SIPA1L1: variants seen among roughly 807,000 people sequenced by gnomAD.
SIPA1L1 encodes the protein signal-induced proliferation-associated 1-like protein 1.
Under a neutral mutation model 162.7 loss-of-function variants are expected in SIPA1L1, and 26 were observed. The observed-to-expected ratio is 0.16, with a 90% CI of 0.12 to 0.22. The LOEUF (loss-of-function observed/expected upper bound fraction) is 0.22, where lower values mean the gene tolerates loss of function less well. SIPA1L1 is among the 10% of genes least tolerant of loss of function. The probability of loss-of-function intolerance (pLI) is 1.00; values close to 1 mark genes in which losing one functional copy is unlikely to be tolerated. For synonymous variants in SIPA1L1, 829 were observed against 837.4 expected (o/e 0.99, Z 0.17); for missense variants, 1,874 against 2,241.0 (o/e 0.84, Z 3.31).
At chr14:71,372,251 T>C (rs1466336235) in intron 2 of SIPA1L1, among the ~76,000 whole-genome samples, 2 of 152,172 alleles carry the variant, frequency 1.3e-5, no homozygotes, top group Non-Finnish European at 2.9e-5. Flanking sequence ...GTAATGACTT[T>C]TAGTTGCTAT....
At chr14:71,700,143 G>A (rs1050078426) in intron 14 of SIPA1L1, among the ~76,000 whole-genome samples, 1 of 151,630 alleles carries the variant, frequency 6.6e-6, no homozygotes, top group Non-Finnish European at 1.5e-5. Flanking sequence ...AGAGTTTAAG[G>A]ATAGTTTTAC....
At chr14:71,435,249 A>C (rs552819254) in intron 2 of SIPA1L1, among the ~76,000 whole-genome samples, 1 of 152,120 alleles carries the variant, frequency 6.6e-6, no homozygotes, top group African/African-American at 2.4e-5. Context: ...ATATATATAC[A>C]TGCGCCATGT....
Position 71,343,288 on chromosome 14 carries a change from A to G in SIPA1L1, c.-465+22107A>G, listed in dbSNP as rs577568324. On this transcript the variant is annotated intron_variant, in intron 2 of 23. Transcript: ENST00000381232. ...CAAAGTCCGTTTCTAAATATTACCT[A>G]ATATTCATCATCCACTCAGCAAATA... is the stretch of plus-strand genomic sequence containing the variant. Among the ~76,000 whole-genome samples the G allele has an allele frequency of 3.9e-5, 6 of 152,288 alleles. No homozygotes were observed. The East Asian group carries it at 1.2e-3, about 29-fold the overall frequency.
chr14:71,336,791 C>T (rs917852913), intron 2 of SIPA1L1, among the ~76,000 whole-genome samples: 5 of 152,200 alleles, frequency 3.3e-5, no homozygotes, highest in Admixed American at 2.6e-4. Context: ...GTTTTTCCCT[C>T]GAATTTCTTG....
intron 2 of SIPA1L1, among the ~76,000 whole-genome samples, chr14:71,386,986 C>T (rs556444555): frequency 5.3e-5 from 8 of 152,240 alleles, no homozygotes; most frequent in African/African-American, 1.4e-4. Context: ...CAGTGGCTCA[C>T]GCCTGTAATC....
intron 22 of SIPA1L1, 66 bp from the exon 23 acceptor site, chr14:71,738,161 TAAAAAAAAAAAAAA>T (rs34549978): frequency 1.1e-5 from 4 of 368,978 alleles, no homozygotes; most frequent in Non-Finnish European, 1.8e-5. Context: ...CTCCTCAGAG[TAAAAAAAAAAAAAA>T]AAAAAAAAAA....
intron 10 of SIPA1L1, among the ~76,000 whole-genome samples, chr14:71,663,813 C>T (rs1226400124): frequency 6.6e-6 from 1 of 152,170 alleles, no homozygotes; most frequent in Non-Finnish European, 1.5e-5. Context: ...GTGGGCAGGT[C>T]TGGAATTTCC....
chr14:71,545,014 C>T (rs1433827338), intron 4 of SIPA1L1, among the ~76,000 whole-genome samples: 1 of 152,002 alleles, frequency 6.6e-6, no homozygotes, highest in Non-Finnish European at 1.5e-5. Context: ...AAATATACAC[C>T]ACCATGCCCA....
At chr14:71,323,437 T>TA (rs2033379381) in intron 2 of SIPA1L1, among the ~76,000 whole-genome samples, 2 of 152,224 alleles carry the variant, frequency 1.3e-5, no homozygotes. Context: ...TATGTGCCTC[T>TA]TATCAGTCCT....
chr14:71,496,072 GAAA>G (rs61282539), intron 2 of SIPA1L1, among the ~76,000 whole-genome samples: 1 of 129,572 alleles, frequency 7.7e-6, no homozygotes, highest in African/African-American at 2.9e-5. Flanking sequence ...TAAAAAAAAA[GAAA>G]AAAAAAAAAA....
At chr14:71,622,746 A>G (rs1026104088) in intron 6 of SIPA1L1, among the ~76,000 whole-genome samples, 2 of 152,126 alleles carry the variant, frequency 1.3e-5, no homozygotes, top group South Asian at 4.1e-4. Context: ...GCTTCCTCTC[A>G]CAGTTCATCT....
At chr14:71,444,529 C>T (rs1343545928) in intron 2 of SIPA1L1, among the ~76,000 whole-genome samples, 2 of 152,134 alleles carry the variant, frequency 1.3e-5, no homozygotes, top group Non-Finnish European at 2.9e-5. Context: ...TGCCTGAGAC[C>T]ATTTCCTATC....
chr14:71,322,035 A>G (rs944757820), intron 2 of SIPA1L1, among the ~76,000 whole-genome samples: 1 of 152,262 alleles, frequency 6.6e-6, no homozygotes, highest in African/African-American at 2.4e-5. Flanking sequence ...TAGAGGCAGC[A>G]TTCGCTGAAA....
intron 4 of SIPA1L1, among the ~76,000 whole-genome samples, chr14:71,535,170 A>G (rs577279361): frequency 2.6e-5 from 4 of 152,372 alleles, no homozygotes; most frequent in South Asian, 2.1e-4. Context: ...CCCTATGCCA[A>G]CAATTAATAA....
intron 17 of SIPA1L1, among the ~76,000 whole-genome samples, chr14:71,713,857 C>T (rs775306504): frequency 2.1e-4 from 32 of 152,002 alleles, no homozygotes; most frequent in Non-Finnish European, 3.8e-4. Context: ...ATTTCCTTCT[C>T]TAAATCTTTT....
chr14:71,393,806 G>C (rs566442404), intron 2 of SIPA1L1, among the ~76,000 whole-genome samples: 5 of 152,206 alleles, frequency 3.3e-5, no homozygotes, highest in Non-Finnish European at 7.3e-5. Flanking sequence ...GGGTGATACA[G>C]CAAGACCCCA....
At chr14:71,531,572 T>G (rs1338217977) in intron 4 of SIPA1L1, among the ~76,000 whole-genome samples, 1 of 152,124 alleles carries the variant, frequency 6.6e-6, no homozygotes, top group East Asian at 1.9e-4. Context: ...GTTTTTGTTG[T>G]TTTGTTTTTT....
chr14:71,632,242 A>T (rs911706337), intron 7 of SIPA1L1, among the ~76,000 whole-genome samples: 1 of 152,154 alleles, frequency 6.6e-6, no homozygotes, highest in African/African-American at 2.4e-5. Context: ...AGATCTCTGG[A>T]ATGGCATAGC....
intron 2 of SIPA1L1, among the ~76,000 whole-genome samples, chr14:71,421,015 C>T (rs1233935066): frequency 6.6e-6 from 1 of 152,140 alleles, no homozygotes; most frequent in Non-Finnish European, 1.5e-5. Context: ...ATTTTCTCTT[C>T]TCTCCCTTTT....
Sources: allele counts gnomAD v4.1 joint callset (sites outside exome capture counted in the v4.1 genomes callset), GRCh38; gene constraint gnomAD v4.1.1; transcripts MANE v1.5; gene names NCBI Gene and HGNC (gene_info 2026-07-23, HGNC 2026-07-21).